Variants in BEND7 observed in about 807,000 individuals in gnomAD.
The protein encoded by BEND7 is BEN domain-containing protein 7.
In BEND7, 28 loss-of-function variants were observed where a neutral mutation model predicts 50.9. The observed-to-expected ratio is 0.55, with a 90% confidence interval of 0.41 to 0.75. The LOEUF is 0.75. BEND7 is among the 30% of genes least tolerant of loss of function. The pLI, the probability that BEND7 is intolerant of heterozygous loss-of-function variation, is 0.00. For synonymous variants in BEND7, 170 were observed against 183.9 expected, an observed-to-expected ratio of 0.92 and a Z score of 0.61; for missense variants, 477 against 491.3, an observed-to-expected ratio of 0.97 and a Z score of 0.28.
chr10:13,528,033 T>A (rs1224033632), intron 1 of BEND7, among the ~76,000 whole-genome samples: 2 of 152,142 alleles, frequency 1.3e-5, no homozygotes, highest in Non-Finnish European at 2.9e-5. Context: ...TCTTTCTCCT[T>A]CTTAAAAAGA....
chr10:13,439,538 G>A (rs1835082894), downstream of BEND7: 1 of 1,536,236 alleles, frequency 6.5e-7, no homozygotes, highest in South Asian at 1.2e-5. Context: ...AATGAATGGA[G>A]TAACTCACCT....
chr10:13,526,031 A>T lies in BEND7; in HGVS notation c.145+107T>A, dbSNP rs190179335. ...AAAGGTCTTGAAAAGAATGTCATAC[A>T]TTAAGCAATGGCAGACATTTCCCGT... On this transcript the variant is annotated intron_variant, in intron 2 of 8. Coordinates refer to ENST00000466271, the MANE Select transcript of BEND7 (RefSeq NM_001369863.1). 1.1e-5 allele frequency: 5 copies of T among 460,332 alleles called. No individual in the cohort carries two copies. The East Asian group carries it at 3.8e-4, about 35-fold the overall frequency. 28.5% of individuals were successfully genotyped at this position (460,332 alleles called of 1,614,324 possible). A position where few individuals can be genotyped will look rare whatever the true frequency, so the allele number is the denominator to read the frequency against.
chr10:13,521,217 A>G (rs950939673), intron 2 of BEND7, among the ~76,000 whole-genome samples: 1 of 151,776 alleles, frequency 6.6e-6, no homozygotes, highest in Non-Finnish European at 1.5e-5. Context: ...GCTTGGGAGC[A>G]CGTTTGAACA....
rs147680174 is a variant in BEND7 at position 13,504,169 on chromosome 10, G to C, written c.146-4089C>G. On this transcript the variant is annotated intron_variant, in intron 2 of 8. Transcript: ENST00000466271. The stretch of plus-strand genomic sequence containing the variant: ...AATAATCTGGGGACAGTGGGTGCTG[G>C]GAGCAGATGAGCAGGCCGAGCCGTA... Among the ~76,000 whole-genome samples the C allele has an allele frequency of 2.6e-3, 394 of 152,312 alleles. 1 individual carries two copies. Among genetic ancestry groups the C allele is most frequent in the African/African-American group, 9.2e-3 (383 of 41,562 alleles).
chr10:13,469,271 A>G (rs1335921409), intron 6 of BEND7, among the ~76,000 whole-genome samples: 1 of 152,198 alleles, frequency 6.6e-6, no homozygotes, highest in African/African-American at 2.4e-5. Context: ...TGCAAGAAAC[A>G]TGACTTGGAA....
At chr10:13,519,991 G>T (rs1455884135) in intron 2 of BEND7, among the ~76,000 whole-genome samples, 1 of 152,156 alleles carries the variant, frequency 6.6e-6, no homozygotes, top group Non-Finnish European at 1.5e-5. Context: ...AGCAAGAGAA[G>T]GCTGGAAGGG....
At chr10:13,521,253 G>C (rs562207809) in intron 2 of BEND7, among the ~76,000 whole-genome samples, 1 of 152,214 alleles carries the variant, frequency 6.6e-6, no homozygotes, top group Non-Finnish European at 1.5e-5. Context: ...TTAAGGGCTT[G>C]CTTTGGAGAC....
chr10:13,483,145 A>T (rs1379993183), intron 5 of BEND7, among the ~76,000 whole-genome samples: 2 of 152,134 alleles, frequency 1.3e-5, no homozygotes, highest in Non-Finnish European at 2.9e-5. Context: ...ATGGCAAGAG[A>T]GGAAGGGGAA....
intron 2 of BEND7, among the ~76,000 whole-genome samples, chr10:13,523,635 C>G (rs868822349): frequency 2.0e-4 from 30 of 152,182 alleles, no homozygotes; most frequent in Middle Eastern, 3.2e-3. Flanking sequence ...CCATATAATT[C>G]TACATCTTTA....
chr10:13,442,230 A>T (rs1835441592), intron 8 of BEND7: 2 of 154,270 alleles, frequency 1.3e-5, no homozygotes, highest in Admixed American at 1.3e-4. Context: ...TTTAGCTCTT[A>T]ACATTCTGTG....
rs937424644 is a variant in BEND7, at chr10:13,487,393, T to C, written c.837+5218A>G. ...AATTTCTTTTCTTTTCTTTTCTTTT[T>C]TTTTTTTTTTTGAGACGGAGTCTTG... On this transcript the variant is annotated intron_variant, in intron 5 of 8. Transcript: ENST00000466271. Among the ~76,000 whole-genome samples, 61 of 149,794 alleles carry C rather than the reference T, an allele frequency of 4.1e-4. 1 individual carries two copies. Among genetic ancestry groups the C allele is most frequent in the Middle Eastern group, 7.0e-3 (2 of 286 alleles).
intron 5 of BEND7, 61 bp downstream of exon 5, chr10:13,492,550 A>G: frequency 4.4e-6 from 7 of 1,580,802 alleles, no homozygotes; most frequent in South Asian, 2.3e-5. Flanking sequence ...ATCTATAAAT[A>G]CTATAAAATT....
In BEND7 at chr10:13,511,464, G is replaced by A. The variant is rs1169441486; in HGVS notation, c.146-11384C>T. Among the ~76,000 whole-genome samples the A allele has an allele frequency of 1.1e-4, 16 of 152,280 alleles. No individual in the cohort carries two copies. In the South Asian group the frequency reaches 2.3e-3, roughly 22 times the overall value. ...GTGGTATTCTCAAGCTGGGTATAAG[G>A]CAACTGGTAGATGTAGCTGTGGACC... On this transcript the variant is annotated intron_variant, in intron 2 of 8. Coordinates refer to ENST00000466271, the MANE Select transcript of BEND7 (RefSeq NM_001369863.1).
At chr10:13,497,077 T>C (rs2077075101) in intron 3 of BEND7, 189 bp from the exon 4 acceptor site, 2 of 724,474 alleles carry the variant, frequency 2.8e-6, no homozygotes, top group Non-Finnish European at 4.2e-6. Context: ...TCTGACTTTA[T>C]CTAATTATCC....
At chr10:13,487,876 T>C (rs2076347845) in intron 5 of BEND7, among the ~76,000 whole-genome samples, 1 of 151,928 alleles carries the variant, frequency 6.6e-6, no homozygotes, top group African/African-American at 2.4e-5. Flanking sequence ...ATGGATCACT[T>C]GAGGCCAGGA....
intron 6 of BEND7, among the ~76,000 whole-genome samples, chr10:13,478,199 G>A (rs1439329871): frequency 1.3e-5 from 2 of 152,198 alleles, no homozygotes; most frequent in African/African-American, 4.8e-5. Flanking sequence ...GTCACCTCCA[G>A]TGTCCTCTCC....
At chr10:13,451,709 A>G (rs1837757383) in intron 7 of BEND7, among the ~76,000 whole-genome samples, 1 of 151,254 alleles carries the variant, frequency 6.6e-6, no homozygotes, top group East Asian at 2.0e-4. Context: ...TGCTGCACCC[A>G]TTAACTCGTC....
intron 2 of BEND7, among the ~76,000 whole-genome samples, chr10:13,503,278 A>G (rs2132287840): frequency 6.6e-6 from 1 of 152,312 alleles, no homozygotes; most frequent in Non-Finnish European, 1.5e-5. Context: ...CGAAACAAAT[A>G]CACAAAAAAT....
At position 13,496,785 on chromosome 10, in the gene BEND7, T is replaced by C. The variant is rs776193350; in HGVS notation, c.552A>G (p.Lys184=). ...AILQELKTMR[K]LMQIQAVGTQ... is the part of the protein sequence containing the mutation. ...TTGTACCTGCTTGAATTTGCATTAA[T>C]TTCCTCATGGTCTTGAGTTCTTGTA... The change falls in exon 4 of 9, where the codon AAA becomes AAG. Residue 184 remains lysine, a synonymous_variant. Coordinates refer to ENST00000466271, the MANE Select transcript of BEND7 (RefSeq NM_001369863.1). The C allele has an allele frequency of 1.2e-6, 2 of 1,613,814 alleles. No individual in the cohort carries two copies. The highest frequency in any genetic ancestry group is 1.1e-5 in the South Asian group (1 of 90,950).
Sources: gnomAD v4.1 joint callset for allele counts (sites outside exome capture counted in the v4.1 genomes callset) on GRCh38, gnomAD v4.1.1 for gene constraint, MANE v1.5 for transcripts, NCBI Gene and HGNC (gene_info 2026-07-23, HGNC 2026-07-21) for gene names.